KITLG: variants seen among roughly 807,000 people sequenced by gnomAD.
The protein encoded by KITLG is KIT ligand.
A neutral mutation model predicts 34.1 loss-of-function variants in KITLG; 13 were observed. The ratio of observed to expected loss-of-function variants is 0.38; its 90% confidence interval spans 0.25 to 0.61. The LOEUF (loss-of-function observed/expected upper bound fraction) is 0.61, where lower values mean the gene tolerates loss of function less well. KITLG is among the 20% of genes least tolerant of loss of function. The pLI, the probability that KITLG is intolerant of heterozygous loss-of-function variation, is 0.60. For synonymous variants in KITLG, 110 were observed against 104.0 expected (o/e 1.06, Z -0.35); for missense variants, 292 against 318.9 (o/e 0.92, Z 0.64).
At chr12:88,554,179 T>A (rs1306850210) in intron 1 of KITLG, among the ~76,000 whole-genome samples, 1 of 152,084 alleles carries the variant, frequency 6.6e-6, no homozygotes, top group Non-Finnish European at 1.5e-5. Flanking sequence ...CAGTAGAAAT[T>A]AAAATGCATG....
intron 1 of KITLG, among the ~76,000 whole-genome samples, chr12:88,554,561 T>C (rs1340918298): frequency 3.9e-5 from 6 of 152,314 alleles, no homozygotes; most frequent in Non-Finnish European, 8.8e-5. Context: ...GCCAACTGGC[T>C]CAACTACCCA....
chr12:88,517,278 A>G (rs1484395365), intron 4 of KITLG, among the ~76,000 whole-genome samples: 1 of 152,034 alleles, frequency 6.6e-6, no homozygotes, highest in Non-Finnish European at 1.5e-5. Flanking sequence ...TGATTAATTG[A>G]TATAAAATTA....
At position 88,496,976 on chromosome 12, in the gene KITLG, T is replaced by C. The variant is rs1183059732; in HGVS notation, c.*243A>G. The C allele has an allele frequency of 1.0e-5, 2 of 194,708 alleles. No individual in the cohort carries two copies. Among genetic ancestry groups the C allele is most frequent in the East Asian group, 1.6e-4 (1 of 6,414 alleles). The allele number at this position is 194,708 out of a possible 1,614,324, so 12.1% of individuals were successfully genotyped here. The stretch of plus-strand genomic sequence containing the variant: ...GACCCAAGTCCCGCAGTCCTTAAAA[T>C]AGAGTCCTGCTCCATGCAAGTTCTT... On this transcript the variant is annotated 3_prime_UTR_variant, in exon 10 of 10. Coordinates refer to ENST00000644744, the MANE Select transcript of KITLG (RefSeq NM_000899.5).
intron 1 of KITLG, chr12:88,546,169 T>C (rs1870713615): frequency 7.1e-6 from 3 of 422,654 alleles, no homozygotes; most frequent in Middle Eastern, 3.8e-4. Context: ...GACTTAGCCC[T>C]TAGGGTATCT....
At chr12:88,539,504 T>C (rs971262943) in intron 2 of KITLG, among the ~76,000 whole-genome samples, 1 of 152,158 alleles carries the variant, frequency 6.6e-6, no homozygotes, top group African/African-American at 2.4e-5. Context: ...AGCTTTTTGC[T>C]TCTTTGTTTC....
chr12:88,551,463 G>A (rs1792636742), intron 1 of KITLG, among the ~76,000 whole-genome samples: 1 of 152,088 alleles, frequency 6.6e-6, no homozygotes, highest in African/African-American at 2.4e-5. Flanking sequence ...TTTCTGTGAC[G>A]GTTCAGGTTC....
intron 1 of KITLG, chr12:88,564,400 A>C (rs1393071874): frequency 3.9e-5 from 6 of 152,154 alleles, no homozygotes; most frequent in African/African-American, 1.4e-4. Flanking sequence ...CTGGATAGCA[A>C]AGAGATTTTC....
chr12:88,549,839 C>A (rs1169140252), intron 1 of KITLG, among the ~76,000 whole-genome samples: 4 of 152,040 alleles, frequency 2.6e-5, no homozygotes, highest in Admixed American at 2.6e-4. Context: ...GGTGTTCTAA[C>A]CTTAAGGGAT....
intron 1 of KITLG, among the ~76,000 whole-genome samples, chr12:88,561,568 C>T (rs753064994): frequency 1.3e-5 from 2 of 152,202 alleles, no homozygotes; most frequent in Non-Finnish European, 2.9e-5. Context: ...ACTTATTACT[C>T]ACAATAGTAT....
At chr12:88,498,515 C>G (rs562703286) in intron 9 of KITLG, among the ~76,000 whole-genome samples, 24 of 152,122 alleles carry the variant, frequency 1.6e-4, no homozygotes, top group Admixed American at 1.4e-3. Context: ...AAAAGGGAAT[C>G]ACAAAAAGCA....
At chr12:88,509,700 T>C (rs538775690) in intron 6 of KITLG, among the ~76,000 whole-genome samples, 1 of 152,266 alleles carries the variant, frequency 6.6e-6, no homozygotes, top group Admixed American at 6.5e-5. Flanking sequence ...GAGGTCAATG[T>C]TACCTCACTT....
At chr12:88,515,013 G>A (rs1378147440) in intron 6 of KITLG, among the ~76,000 whole-genome samples, 1 of 151,758 alleles carries the variant, frequency 6.6e-6, no homozygotes, top group Non-Finnish European at 1.5e-5. Context: ...TTCTCATCAA[G>A]CATATAATTC....
chr12:88,507,723 G>A (rs1033546364), intron 6 of KITLG, among the ~76,000 whole-genome samples: 1 of 152,120 alleles, frequency 6.6e-6, no homozygotes, highest in Admixed American at 6.5e-5. Context: ...TAAGAGTTTG[G>A]ACTTTTAATG....
intron 3 of KITLG, among the ~76,000 whole-genome samples, chr12:88,527,715 C>T (rs1869930363): frequency 6.6e-6 from 1 of 152,142 alleles, no homozygotes; most frequent in African/African-American, 2.4e-5. Flanking sequence ...ACCAGATGAT[C>T]AAAACAAACA....
intron 3 of KITLG, among the ~76,000 whole-genome samples, chr12:88,530,936 A>G (rs886670626): frequency 1.3e-5 from 2 of 152,210 alleles, no homozygotes; most frequent in Non-Finnish European, 2.9e-5. Flanking sequence ...TGATGGACTG[A>G]TCCACAAAAA....
intron 2 of KITLG, among the ~76,000 whole-genome samples, chr12:88,538,217 G>A (rs1870397866): frequency 6.6e-6 from 1 of 152,018 alleles, no homozygotes; most frequent in Admixed American, 6.6e-5. Context: ...AATGTGTTAG[G>A]GAGACCAGTT....
At chr12:88,567,806 T>TG (rs528204529) in intron 1 of KITLG, among the ~76,000 whole-genome samples, 153 of 152,276 alleles carry the variant, frequency 1.0e-3, no homozygotes, top group African/African-American at 3.5e-3. Flanking sequence ...CCTTAGGACT[T>TG]AGACACTATT....
intron 1 of KITLG, among the ~76,000 whole-genome samples, chr12:88,556,481 G>A (rs1871102907): frequency 6.6e-6 from 1 of 152,144 alleles, no homozygotes; most frequent in African/African-American, 2.4e-5. Context: ...GCCTTAACTA[G>A]GGCAGTGGCA....
At chr12:88,518,351 T>G (rs774018418) in intron 4 of KITLG, among the ~76,000 whole-genome samples, 4 of 152,312 alleles carry the variant, frequency 2.6e-5, no homozygotes, top group Admixed American at 1.3e-4. Flanking sequence ...ATGTGTTTAT[T>G]ACAGACAATT....
Sources: gnomAD v4.1 joint callset for allele counts (sites outside exome capture counted in the v4.1 genomes callset) on GRCh38, gnomAD v4.1.1 for gene constraint, MANE v1.5 for transcripts, NCBI Gene and HGNC (gene_info 2026-07-23, HGNC 2026-07-21) for gene names.